The following TTC9 variants were observed in gnomAD, a reference collection of about 807,000 sequenced individuals.
TTC9 encodes tetratricopeptide repeat protein 9A.
Under a neutral mutation model 22.9 loss-of-function variants are expected in TTC9, and 13 were observed. The ratio of observed to expected loss-of-function variants is 0.57; its 90% CI spans 0.37 to 0.90. The LOEUF is 0.90. TTC9 is among the 40% of genes least tolerant of loss of function. The pLI is 0.01. For missense variants in TTC9, 280 were observed against 291.8 expected (o/e 0.96, Z 0.29); for synonymous variants, 148 against 133.2 (o/e 1.11, Z -0.77).
At chr14:70,659,837 A>G (rs1353877584) in intron 1 of TTC9, among the ~76,000 whole-genome samples, 2 of 152,176 alleles carry the variant, frequency 1.3e-5, no homozygotes, top group African/African-American at 2.4e-5. Context: ...CTCAGGTGCC[A>G]GATGACCTAA....
chr14:70,644,578 A>T (rs1182860792), intron 1 of TTC9, among the ~76,000 whole-genome samples: 3 of 152,198 alleles, frequency 2.0e-5, no homozygotes, highest in African/African-American at 7.2e-5. Flanking sequence ...CAAAGTCAGC[A>T]TCCTCTGGGC....
intron 1 of TTC9, among the ~76,000 whole-genome samples, chr14:70,662,183 C>T (rs1038612928): frequency 1.3e-5 from 2 of 152,170 alleles, no homozygotes; most frequent in African/African-American, 4.8e-5. Flanking sequence ...ATGCATCTTC[C>T]ACCCTGTACC....
rs776992939 is a variant in TTC9, at chr14:70,667,600, G to A, written c.443G>A (p.Arg148Gln). The change falls in exon 2 of 3, where the codon CGA becomes CAA. Residue 148 changes from arginine to glutamine, a missense_variant. Coordinates refer to ENST00000256367, the MANE Select transcript of TTC9 (RefSeq NM_015351.2). Reference sequence around the variant, plus strand: ...CAGGCTGAGCTGGTAAACTATGAACGAGTCAAGGAATATTGCCTCAAAGTC... The same window carrying A: ...CAGGCTGAGCTGGTAAACTATGAACAAGTCAAGGAATATTGCCTCAAAGTC... ...LLQAELVNYE[R>Q]VKEYCLKVLK... is the part of the protein sequence containing the mutation. The A allele has an allele frequency of 2.5e-6, 4 of 1,613,856 alleles. No homozygotes were observed. The highest frequency in any genetic ancestry group is 1.3e-5 in the African/African-American group (1 of 74,916).
At chr14:70,654,938 C>G (rs1886040408) in intron 1 of TTC9, among the ~76,000 whole-genome samples, 1 of 152,194 alleles carries the variant, frequency 6.6e-6, no homozygotes, top group East Asian at 1.9e-4. Context: ...GGCTAAAACT[C>G]AGTTGATTGG....
At chr14:70,646,846 C>T (rs113283426) in intron 1 of TTC9, among the ~76,000 whole-genome samples, 17 of 152,306 alleles carry the variant, frequency 1.1e-4, no homozygotes, top group African/African-American at 4.1e-4. Context: ...TGGTTTGAAA[C>T]AAGCTTTGCT....
chr14:70,650,519 G>A (rs1255675051), intron 1 of TTC9, among the ~76,000 whole-genome samples: 1 of 152,182 alleles, frequency 6.6e-6, no homozygotes, highest in African/African-American at 2.4e-5. Flanking sequence ...TCTTAAGAAC[G>A]TAGCAGAAGT....
At chr14:70,655,379 G>T (rs1021091933) in intron 1 of TTC9, among the ~76,000 whole-genome samples, 1 of 150,608 alleles carries the variant, frequency 6.6e-6, no homozygotes, top group Non-Finnish European at 1.5e-5. Flanking sequence ...TCGCTTGGGC[G>T]ACAGAGCGAG....
chr14:70,671,026 G>A (rs1457514539), intron 2 of TTC9, 50 bp from the exon 3 acceptor site: 5 of 1,552,706 alleles, frequency 3.2e-6, no homozygotes, highest in Non-Finnish European at 4.4e-6. Flanking sequence ...TTGTAAATGT[G>A]ATAGTTGCCC....
At chr14:70,662,406 T>C (rs1886155964) in intron 1 of TTC9, among the ~76,000 whole-genome samples, 1 of 127,836 alleles carries the variant, frequency 7.8e-6, no homozygotes, top group Non-Finnish European at 1.6e-5. Context: ...TAATCCAATC[T>C]CTATGCCAAA....
At chr14:70,665,371 T>C (rs755720376) in intron 1 of TTC9, among the ~76,000 whole-genome samples, 3 of 152,052 alleles carry the variant, frequency 2.0e-5, no homozygotes, top group Admixed American at 6.5e-5. Context: ...TCTGTACAGC[T>C]GTATAAGCAC....
chr14:70,670,899 G>C (rs146989167), intron 2 of TTC9, among the ~76,000 whole-genome samples, 177 bp from the exon 3 acceptor site: 12 of 152,198 alleles, frequency 7.9e-5, no homozygotes, highest in Non-Finnish European at 1.5e-4. Flanking sequence ...AGGGGAGACA[G>C]TGAAGGAGAG....
rs75743911 is a variant in TTC9 at position 70,667,156 on chromosome 14, C to G, written c.407-408C>G. 7.2e-3 allele frequency among the ~76,000 whole-genome samples: 1,090 copies of G among 152,276 alleles called. 14 individuals are homozygous for G. Among genetic ancestry groups the G allele is most frequent in the Middle Eastern group, 0.01 (3 of 294 alleles). ...CATGTCGTCTTTCCTCTGTGTGTGT[C>G]TGTCTTTGTGTACATATTTCCCCTT... On this transcript the variant is annotated intron_variant, in intron 1 of 2. Transcript: ENST00000256367.
At chr14:70,670,241 G>A (rs748273254) in intron 2 of TTC9, among the ~76,000 whole-genome samples, 3 of 152,182 alleles carry the variant, frequency 2.0e-5, no homozygotes, top group Admixed American at 1.3e-4. Context: ...ACTCAATCTC[G>A]CTAGGTCCCT....
rs1886326695 is a variant in TTC9, at chr14:70,673,570, G to GACCCCC, written c.*2429_*2434dup. 3 of 130,332 alleles carry GACCCCC rather than the reference G, an allele frequency of 2.3e-5. No individual in the cohort carries two copies. Among genetic ancestry groups the GACCCCC allele is most frequent in the Non-Finnish European group, 3.3e-5 (2 of 61,460 alleles). The allele number at this position is 130,332 out of a possible 1,614,324, so 8.1% of individuals were successfully genotyped here. A position where few individuals can be genotyped will look rare whatever the true frequency, so the allele number is the denominator to read the frequency against. ...ACACGGGAATGTGTTCAAACGCCCC[G>GACCCCC]ACCCCCACCCCCACCCCCATTCCCA... On this transcript the variant is annotated 3_prime_UTR_variant, in exon 3 of 3. Transcript: ENST00000256367.
At chr14:70,662,191 A>G (rs1335888651) in intron 1 of TTC9, among the ~76,000 whole-genome samples, 3 of 152,134 alleles carry the variant, frequency 2.0e-5, no homozygotes, top group African/African-American at 7.2e-5. Context: ...TCCACCCTGT[A>G]CCTCTTCTGC....
At chr14:70,646,132 A>G (rs1885898045) in intron 1 of TTC9, among the ~76,000 whole-genome samples, 1 of 152,160 alleles carries the variant, frequency 6.6e-6, no homozygotes, top group African/African-American at 2.4e-5. Flanking sequence ...TCTGGCTGGG[A>G]TTTCCTTTTG....
chr14:70,662,806 A>G (rs930137429), intron 1 of TTC9, among the ~76,000 whole-genome samples: 10 of 152,260 alleles, frequency 6.6e-5, no homozygotes, highest in East Asian at 3.8e-4. Context: ...ATGGCAGAGT[A>G]TAGAGACTGT....
chr14:70,655,872 A>G (rs1203878973), intron 1 of TTC9, among the ~76,000 whole-genome samples: 2 of 152,222 alleles, frequency 1.3e-5, no homozygotes, highest in African/African-American at 4.8e-5. Context: ...TCAGACCACC[A>G]GGAATTTCAA....
chr14:70,656,687 T>C (rs913160692), intron 1 of TTC9, among the ~76,000 whole-genome samples: 1 of 152,214 alleles, frequency 6.6e-6, no homozygotes, highest in Non-Finnish European at 1.5e-5. Context: ...TTAGAGTTTC[T>C]GCCAATGAAC....
Sources: allele counts gnomAD v4.1 joint callset (sites outside exome capture counted in the v4.1 genomes callset), GRCh38; gene constraint gnomAD v4.1.1; transcripts MANE v1.5; gene names NCBI Gene and HGNC (gene_info 2026-07-23, HGNC 2026-07-21).